The following MCM9 variants were observed in gnomAD, a reference collection of about 807,000 sequenced individuals.
MCM9 encodes minichromosome maintenance 9 homologous recombination repair factor.
MCM9 carries 55 observed loss-of-function variants against 72.8 expected under a neutral mutation model. The observed-to-expected ratio is 0.76, with a 90% confidence interval of 0.61 to 0.95. MCM9 has a LOEUF of 0.95. MCM9 is among the 40% of genes least tolerant of loss of function. The pLI, the probability that MCM9 is intolerant of heterozygous loss-of-function variation, is 0.00. For synonymous variants in MCM9, 480 were observed against 503.4 expected (o/e 0.95, Z 0.62); for missense variants, 1,279 against 1,377.0 (o/e 0.93, Z 1.13).
chr6:118,863,236 G>C (rs1777010792), intron 8 of MCM9, among the ~76,000 whole-genome samples: 1 of 152,082 alleles, frequency 6.6e-6, no homozygotes, highest in African/African-American at 2.4e-5. Context: ...AAAGATCTAA[G>C]GACAAGGAGA....
intron 8 of MCM9, among the ~76,000 whole-genome samples, chr6:118,867,053 C>A (rs1006307171): frequency 1.7e-4 from 25 of 150,504 alleles, no homozygotes; most frequent in South Asian, 4.2e-4. Context: ...AAAAAAAAAA[C>A]CCCATCAACC....
At chr6:118,819,152 C>G (rs1773615334) in intron 13 of MCM9, among the ~76,000 whole-genome samples, 1 of 152,250 alleles carries the variant, frequency 6.6e-6, no homozygotes, top group East Asian at 1.9e-4. Context: ...ACTTCCAATA[C>G]TATGTTGACT....
At chr6:118,900,946 T>G in intron 8 of MCM9, 1 of 1,129,016 alleles carries the variant, frequency 8.9e-7, no homozygotes. Flanking sequence ...TTATCTATTA[T>G]CTTATAACCC....
chr6:118,838,111 G>T (rs879921415), intron 9 of MCM9, among the ~76,000 whole-genome samples: 2 of 151,700 alleles, frequency 1.3e-5, no homozygotes, highest in Non-Finnish European at 2.9e-5. Flanking sequence ...TTTCTCCTTA[G>T]GTTATGAAGC....
intron 8 of MCM9, among the ~76,000 whole-genome samples, chr6:118,909,680 G>A (rs1037527237): frequency 3.9e-5 from 6 of 152,172 alleles, no homozygotes; most frequent in African/African-American, 1.4e-4. Flanking sequence ...AAGTATGCAT[G>A]CATTTATTTG....
intron 3 of MCM9, among the ~76,000 whole-genome samples, chr6:118,926,015 AACCATCACCACTAATTCCAGAAT>A (rs1781864038): frequency 6.6e-6 from 1 of 152,210 alleles, no homozygotes; most frequent in African/African-American, 2.4e-5. Context: ...AATATTGTAT[AACCATCACCACTAATTCCAGAAT>A]ATTTTCATAA....
At chr6:118,894,088 G>C in intron 8 of MCM9, 1 of 1,122,718 alleles carries the variant, frequency 8.9e-7, no homozygotes, top group Non-Finnish European at 1.1e-6. Flanking sequence ...AAGTTTCCGA[G>C]TCCATTCCGG....
chr6:118,923,799 G>C lies in MCM9; in HGVS notation c.621+12C>G. 6 of 1,607,410 alleles carry C rather than the reference G, an allele frequency of 3.7e-6. No homozygotes were observed. The highest frequency in any genetic ancestry group is 5.1e-6 in the Non-Finnish European group (6 of 1,174,550). On this transcript the variant is annotated intron_variant, in intron 4 of 13. Coordinates refer to ENST00000619706, the MANE Select transcript of MCM9 (RefSeq NM_017696.3). ...CTTCAAATTTATTTATCTCGTTTAT[G>C]TGATTATTTACCTGTTCCTGAATTT...
At chr6:118,821,467 G>A (rs1773804265) in intron 13 of MCM9, among the ~76,000 whole-genome samples, 4 of 152,184 alleles carry the variant, frequency 2.6e-5, no homozygotes, top group Admixed American at 6.5e-5. Context: ...CTTCTGGCTT[G>A]TAGGGTTTCT....
In MCM9 at chr6:118,881,970, A is replaced by G. The variant is rs556953285; in HGVS notation, c.1151-25425T>C. 2.0e-5 allele frequency among the ~76,000 whole-genome samples: 3 copies of G among 152,276 alleles called. No homozygotes were observed. In the South Asian group the frequency reaches 6.2e-4, roughly 32 times the overall value. ...TATGAGCTCTTAATCAAGGGATAAGATATCGTACCAGGAGGGGTAGAAAGC... is the reference window on the plus strand; with the variant it reads ...TATGAGCTCTTAATCAAGGGATAAGGTATCGTACCAGGAGGGGTAGAAAGC... On this transcript the variant is annotated intron_variant, in intron 8 of 13. Transcript: ENST00000619706.
intron 8 of MCM9, among the ~76,000 whole-genome samples, chr6:118,903,654 C>CA (rs1217309649): frequency 6.6e-6 from 1 of 152,008 alleles, no homozygotes; most frequent in Non-Finnish European, 1.5e-5. Context: ...ATGTAAGCTC[C>CA]AAAAAAGATT....
chr6:118,876,844 G>C lies in MCM9; in HGVS notation c.1151-20299C>G, dbSNP rs371463228. Among the ~76,000 whole-genome samples the C allele has an allele frequency of 7.2e-5, 11 of 152,240 alleles. No homozygotes were observed. In the South Asian group the frequency reaches 1.0e-3, roughly 14 times the overall value. On this transcript the variant is annotated intron_variant, in intron 8 of 13. Transcript: ENST00000619706. ...ACTGAAAAACTGAGCAAAAAAGTTT[G>C]AACAGTCCTTTCATAAAAGAAAATA...
chr6:118,829,489 G>A (rs1774385997), intron 9 of MCM9, among the ~76,000 whole-genome samples: 1 of 152,168 alleles, frequency 6.6e-6, no homozygotes, highest in African/African-American at 2.4e-5. Flanking sequence ...CCTGCTATGA[G>A]GAGACCCCTT....
At chr6:118,823,051 T>C (rs946555991) in intron 13 of MCM9, among the ~76,000 whole-genome samples, 1 of 152,092 alleles carries the variant, frequency 6.6e-6, no homozygotes, top group African/African-American at 2.4e-5. Flanking sequence ...CTAGACTCCA[T>C]GGGAGTGGGA....
Position 118,904,905 on chromosome 6 carries a change from T to C in MCM9, c.1150+6745A>G, listed in dbSNP as rs577554299. Among the ~76,000 whole-genome samples the C allele has an allele frequency of 4.6e-5, 7 of 152,368 alleles. No homozygotes were observed. In the East Asian group the frequency reaches 1.3e-3, roughly 29 times the overall value. The stretch of plus-strand genomic sequence containing the variant: ...CAGGCTGGAGTGCAGTAGTGCGATC[T>C]CAGCTCACTGCAACTTCCACCTCCT... On this transcript the variant is annotated intron_variant, in intron 8 of 13. Coordinates refer to ENST00000619706, the MANE Select transcript of MCM9 (RefSeq NM_017696.3).
chr6:118,902,658 C>CA (rs572978201), intron 8 of MCM9, among the ~76,000 whole-genome samples: 17 of 150,100 alleles, frequency 1.1e-4, no homozygotes, highest in African/African-American at 1.7e-4. Context: ...AGTGCTGTAG[C>CA]AAAAAAAATG....
Position 118,905,960 on chromosome 6 carries a change from G to A in MCM9, c.1150+5690C>T, listed in dbSNP as rs541038211. 8.3e-6 allele frequency: 5 copies of A among 604,966 alleles called. No homozygotes were observed. The South Asian group carries it at 1.3e-4, about 16-fold the overall frequency. The allele number at this position is 604,966 out of a possible 1,614,324, so 37.5% of individuals were successfully genotyped here. A position where few individuals can be genotyped will look rare whatever the true frequency, so the allele number is the denominator to read the frequency against. On this transcript the variant is annotated intron_variant, in intron 8 of 13. Coordinates refer to ENST00000619706, the MANE Select transcript of MCM9 (RefSeq NM_017696.3). ...AATATGAGGTCCTTATGCCAACTGG[G>A]CAAACTAATTATTGTTCCATTACCA...
intron 8 of MCM9, among the ~76,000 whole-genome samples, chr6:118,906,021 T>C (rs1224128276): frequency 6.6e-6 from 1 of 152,186 alleles, no homozygotes; most frequent in East Asian, 1.9e-4. Flanking sequence ...GATGAGTCAT[T>C]AGTAATTAAT....
At chr6:118,930,408 G>A (rs549615846) in intron 3 of MCM9, among the ~76,000 whole-genome samples, 1 of 152,244 alleles carries the variant, frequency 6.6e-6, no homozygotes, top group Non-Finnish European at 1.5e-5. Flanking sequence ...CACCGCGCCC[G>A]GCTGCTAAAT....
Sources: allele counts gnomAD v4.1 joint callset (sites outside exome capture counted in the v4.1 genomes callset), GRCh38; gene constraint gnomAD v4.1.1; transcripts MANE v1.5; gene names NCBI Gene and HGNC (gene_info 2026-07-23, HGNC 2026-07-21).